The following CSMD1 variants were observed in gnomAD, a reference collection of about 807,000 sequenced individuals.
The protein encoded by CSMD1 is CUB and sushi domain-containing protein 1.
A neutral mutation model predicts 417.5 loss-of-function variants in CSMD1; 213 were observed. The ratio of observed to expected loss-of-function variants is 0.51; its 90% CI spans 0.46 to 0.57. The LOEUF (loss-of-function observed/expected upper bound fraction) is 0.57. Ranked by LOEUF, CSMD1 falls within the 20% of genes least tolerant of loss-of-function variation. The pLI is 0.00. For synonymous variants in CSMD1, 2,862 were observed against 1,736.8 expected (o/e 1.65, Z -16.11); for missense variants, 6,923 against 4,529.7 (o/e 1.53, Z -15.17).
intron 5 of CSMD1, among the ~76,000 whole-genome samples, chr8:3,976,846 C>G (rs1813473326): frequency 6.6e-6 from 1 of 152,158 alleles, no homozygotes. Context: ...GCACTGACCT[C>G]AACCACTGCA....
intron 3 of CSMD1, among the ~76,000 whole-genome samples, chr8:4,358,519 C>T (rs1189156815): frequency 3.9e-5 from 6 of 152,154 alleles, no homozygotes; most frequent in Admixed American, 1.3e-4. Context: ...AGCAGAGCTC[C>T]GCAGATGCAG....
chr8:3,900,079 A>AGTGCAGCTGTGTGATG (rs1259782254), intron 5 of CSMD1, among the ~76,000 whole-genome samples: 1 of 152,032 alleles, frequency 6.6e-6, no homozygotes, highest in South Asian at 2.1e-4. Flanking sequence ...GCTGGGTGAC[A>AGTGCAGCTGTGTGATG]GTGCAGCTGT....
intron 1 of CSMD1, among the ~76,000 whole-genome samples, chr8:4,888,655 T>G (rs939784187): frequency 2.0e-5 from 3 of 152,210 alleles, no homozygotes; most frequent in East Asian, 3.9e-4. Flanking sequence ...ACCATAAATA[T>G]CATTTGCCAA....
chr8:3,963,280 C>T (rs573401977), intron 5 of CSMD1, among the ~76,000 whole-genome samples: 39 of 152,238 alleles, frequency 2.6e-4, no homozygotes, highest in African/African-American at 8.9e-4. Flanking sequence ...TTGAGGAATG[C>T]ATGAAAAACA....
Position 3,262,175 on chromosome 8 carries a change from G to C in CSMD1, c.4153+21969C>G, listed in dbSNP as rs1453981517. Among the ~76,000 whole-genome samples, 6 of 99,740 alleles carry C rather than the reference G, an allele frequency of 6.0e-5. 1 individual carries two copies. In the East Asian group the frequency reaches 1.2e-3, roughly 20 times the overall value. 65.4% of individuals were successfully genotyped at this position (99,740 alleles called of 152,430 possible). A position where few individuals can be genotyped will look rare whatever the true frequency, so the allele number is the denominator to read the frequency against. ...CAAACCATTTTATTTCTAAAATTATGCTCATATGAATATATATATATATAT... is the reference window on the plus strand; with the variant it reads ...CAAACCATTTTATTTCTAAAATTATCCTCATATGAATATATATATATATAT... On this transcript the variant is annotated intron_variant, in intron 26 of 69. Coordinates refer to ENST00000635120, the MANE Select transcript of CSMD1 (RefSeq NM_033225.6).
chr8:4,014,489 T>A (rs772044601), intron 4 of CSMD1, among the ~76,000 whole-genome samples: 2 of 152,204 alleles, frequency 1.3e-5, no homozygotes, highest in Non-Finnish European at 2.9e-5. Flanking sequence ...TGAGTTGGCT[T>A]CTTTTGATGT....
intron 5 of CSMD1, among the ~76,000 whole-genome samples, chr8:3,832,356 T>C (rs1233458045): frequency 2.6e-5 from 4 of 152,212 alleles, no homozygotes; most frequent in Admixed American, 2.6e-4. Flanking sequence ...ATCTCCTGTC[T>C]AAAATATTTA....
At chr8:4,727,370 T>C (rs1214763518) in intron 1 of CSMD1, among the ~76,000 whole-genome samples, 4 of 152,188 alleles carry the variant, frequency 2.6e-5, no homozygotes, top group South Asian at 4.1e-4. Flanking sequence ...AAAACACTAA[T>C]GCTCTCCATT....
intron 3 of CSMD1, among the ~76,000 whole-genome samples, chr8:4,213,686 T>TC (rs780307092): frequency 1.3e-5 from 2 of 152,186 alleles, no homozygotes; most frequent in African/African-American, 4.8e-5. Flanking sequence ...CCATGGGCCC[T>TC]CCCTGGTGGG....
intron 2 of CSMD1, among the ~76,000 whole-genome samples, chr8:4,489,751 G>T (rs1563227354): frequency 1.3e-5 from 2 of 152,162 alleles, no homozygotes; most frequent in Non-Finnish European, 2.9e-5. Flanking sequence ...CAGCTGCCGC[G>T]GTGTGAGATG....
At chr8:4,629,785 C>T (rs1253564080) in intron 2 of CSMD1, among the ~76,000 whole-genome samples, 3 of 152,166 alleles carry the variant, frequency 2.0e-5, no homozygotes, top group Non-Finnish European at 4.4e-5. Context: ...TTCAGATTTT[C>T]ATGACCAAAT....
intron 3 of CSMD1, among the ~76,000 whole-genome samples, chr8:4,235,098 T>C (rs180918034): frequency 1.1e-4 from 17 of 152,180 alleles, no homozygotes; most frequent in African/African-American, 3.4e-4. Flanking sequence ...ACTTCAAGAA[T>C]AGAAAAATTA....
intron 1 of CSMD1, among the ~76,000 whole-genome samples, chr8:4,742,937 A>C (rs1445893166): frequency 2.0e-5 from 3 of 152,228 alleles, no homozygotes; most frequent in African/African-American, 4.8e-5. Flanking sequence ...AAAATGTATA[A>C]ATGATACCAA....
At chr8:3,238,692 A>G (rs1166388486) in intron 26 of CSMD1, among the ~76,000 whole-genome samples, 2 of 152,180 alleles carry the variant, frequency 1.3e-5, no homozygotes, top group African/African-American at 4.8e-5. Flanking sequence ...ACTAAACGGA[A>G]TAAGAGGAGA....
chr8:4,194,042 A>G (rs1799192118), intron 3 of CSMD1, among the ~76,000 whole-genome samples: 1 of 152,156 alleles, frequency 6.6e-6, no homozygotes, highest in Non-Finnish European at 1.5e-5. Context: ...TATTAAAATT[A>G]TAGTAACTTT....
intron 5 of CSMD1, among the ~76,000 whole-genome samples, chr8:3,950,743 CTTT>C (rs59614910): frequency 0.4 from 60,688 of 151,780 alleles, 12,263 homozygotes; most frequent in African/African-American, 0.45. Context: ...GGTTTTCAAT[CTTT>C]TTTATCTCTT....
intron 54 of CSMD1, among the ~76,000 whole-genome samples, chr8:2,981,291 G>A (rs1480052925): frequency 1.3e-5 from 2 of 152,164 alleles, no homozygotes; most frequent in Non-Finnish European, 2.9e-5. Context: ...TTTTCTATGT[G>A]AACAATTCCT....
At position 4,472,567 on chromosome 8, in the gene CSMD1, G is replaced by C. The variant is rs1359529735; in HGVS notation, c.303-52502C>G. ...ATTATATTCCAAAGAATAGCTATTA[G>C]AAAGTTATTCATCATCACTTTGAAA... On this transcript the variant is annotated intron_variant, in intron 2 of 69. Coordinates refer to ENST00000635120, the MANE Select transcript of CSMD1 (RefSeq NM_033225.6). Among the ~76,000 whole-genome samples, 3 of 152,136 alleles carry C rather than the reference G, an allele frequency of 2.0e-5. No homozygotes were observed. In the South Asian group the frequency reaches 6.2e-4, roughly 32 times the overall value.
chr8:4,537,249 AGTAG>A (rs1797144312), intron 2 of CSMD1, among the ~76,000 whole-genome samples: 1 of 152,232 alleles, frequency 6.6e-6, no homozygotes, highest in African/African-American at 2.4e-5. Flanking sequence ...GACAAAATAC[AGTAG>A]GTATTTTTAG....
Sources: gnomAD v4.1 joint callset for allele counts (sites outside exome capture counted in the v4.1 genomes callset) on GRCh38, gnomAD v4.1.1 for gene constraint, MANE v1.5 for transcripts, NCBI Gene and HGNC (gene_info 2026-07-23, HGNC 2026-07-21) for gene names.